MARCHF1: variants seen among roughly 807,000 people sequenced by gnomAD.
MARCHF1 encodes the protein membrane associated ring-CH-type finger 1, also known as E3 ubiquitin-protein ligase MARCHF1.
A neutral mutation model predicts 54.2 loss-of-function variants in MARCHF1; 40 were observed. That is an observed-to-expected ratio of 0.74 (90% confidence interval 0.57 to 0.96). The LOEUF (loss-of-function observed/expected upper bound fraction) is 0.96, where lower values mean the gene tolerates loss of function less well. MARCHF1 is among the 40% of genes least tolerant of loss of function. MARCHF1 has a pLI of 0.00. For missense variants in MARCHF1, 586 were observed against 656.5 expected, an observed-to-expected ratio of 0.89 and a Z score of 1.17; for synonymous variants, 236 against 236.3, an observed-to-expected ratio of 1.00 and a Z score of 0.01.
chr4:163,809,848 T>C (rs4691937), intron 4 of MARCHF1, among the ~76,000 whole-genome samples: 119,044 of 151,978 alleles, frequency 0.78, 48,001 homozygotes, highest in South Asian at 0.88. Flanking sequence ...ATCTAAATAA[T>C]GAAGAAATAG....
Position 163,746,480 on chromosome 4 carries a change from GT to G in MARCHF1, c.112-45618del, listed in dbSNP as rs1200583730. ...GCTGACACAAACATTTATGTGCAGG[GT>G]TTTTTTTTGTGGAAATAAGTTTTCA... On this transcript the variant is annotated intron_variant, in intron 4 of 9. Coordinates refer to ENST00000514618, the MANE Select transcript of MARCHF1 (RefSeq NM_001394959.1). 1.2e-4 allele frequency among the ~76,000 whole-genome samples: 18 copies of G among 151,260 alleles called. No homozygotes were observed. In the East Asian group the frequency reaches 2.7e-3, roughly 23 times the overall value.
At chr4:164,167,105 C>T (rs990957844) in intron 1 of MARCHF1, among the ~76,000 whole-genome samples, 1 of 151,680 alleles carries the variant, frequency 6.6e-6, no homozygotes, top group Non-Finnish European at 1.5e-5. Context: ...CTTTTACAAT[C>T]ACCATGGTTG....
At chr4:164,043,543 G>C (rs1461805038) in intron 2 of MARCHF1, among the ~76,000 whole-genome samples, 1 of 151,988 alleles carries the variant, frequency 6.6e-6, no homozygotes, top group African/African-American at 2.4e-5. Context: ...TCCTTCCTAG[G>C]CCTCTAAATC....
intron 4 of MARCHF1, among the ~76,000 whole-genome samples, chr4:163,723,958 C>T (rs1745566508): frequency 6.6e-6 from 1 of 152,140 alleles, no homozygotes; most frequent in African/African-American, 2.4e-5. Flanking sequence ...GCTTCTTTGC[C>T]TTGGGTTCAA....
chr4:164,264,718 G>A (rs186788875), intron 1 of MARCHF1, among the ~76,000 whole-genome samples: 57 of 151,960 alleles, frequency 3.8e-4, no homozygotes, highest in African/African-American at 1.3e-3. Flanking sequence ...TCAGGAGTCC[G>A]GGACCAGGCT....
At chr4:163,676,557 G>A (rs867172043) in intron 5 of MARCHF1, among the ~76,000 whole-genome samples, 29 of 152,040 alleles carry the variant, frequency 1.9e-4, no homozygotes, top group East Asian at 7.7e-4. Context: ...GGCCAGCTGC[G>A]GCAACATAGC....
At chr4:163,745,231 C>T (rs1275442568) in intron 4 of MARCHF1, among the ~76,000 whole-genome samples, 2 of 150,930 alleles carry the variant, frequency 1.3e-5, no homozygotes, top group South Asian at 2.1e-4. Flanking sequence ...TCTGCTTCAG[C>T]CCCCCGAGTA....
intron 1 of MARCHF1, among the ~76,000 whole-genome samples, chr4:164,222,002 C>T (rs916290897): frequency 1.3e-5 from 2 of 151,946 alleles, no homozygotes; most frequent in African/African-American, 4.8e-5. Flanking sequence ...AAAATTGGAC[C>T]TGGTGTGACA....
chr4:164,237,016 A>AT (rs1293009431), intron 1 of MARCHF1, among the ~76,000 whole-genome samples: 2 of 152,088 alleles, frequency 1.3e-5, no homozygotes, highest in Non-Finnish European at 1.5e-5. Context: ...TATATCTATC[A>AT]TTTGGTTCTT....
intron 1 of MARCHF1, among the ~76,000 whole-genome samples, chr4:164,360,412 C>T (rs766284456): frequency 2.0e-4 from 31 of 151,966 alleles, no homozygotes; most frequent in Non-Finnish European, 2.6e-4. Context: ...TTATTTTCTT[C>T]GCTTTAAAAT....
intron 1 of MARCHF1, among the ~76,000 whole-genome samples, chr4:164,371,755 C>T (rs1312856932): frequency 6.6e-6 from 1 of 152,064 alleles, no homozygotes; most frequent in African/African-American, 2.4e-5. Context: ...GTTGCTAAAA[C>T]CAATATGGAA....
At chr4:164,316,019 A>G (rs1734987029) in intron 1 of MARCHF1, among the ~76,000 whole-genome samples, 1 of 152,126 alleles carries the variant, frequency 6.6e-6, no homozygotes, top group Non-Finnish European at 1.5e-5. Flanking sequence ...AAAATTCCTA[A>G]TTTGTAAACT....
intron 4 of MARCHF1, among the ~76,000 whole-genome samples, chr4:163,749,045 G>C (rs1020043990): frequency 1.3e-5 from 2 of 152,016 alleles, no homozygotes; most frequent in African/African-American, 4.8e-5. Context: ...TATAAATGTG[G>C]TGTATCTTTT....
chr4:164,197,613 T>C, intron 1 of MARCHF1: 2 of 1,613,062 alleles, frequency 1.2e-6, no homozygotes, highest in Non-Finnish European at 1.7e-6. Flanking sequence ...GGGCTTCGAG[T>C]TTGCCTTCAT....
chr4:163,611,875 A>G (rs1741354098), intron 7 of MARCHF1, among the ~76,000 whole-genome samples: 1 of 152,092 alleles, frequency 6.6e-6, no homozygotes, highest in Admixed American at 6.6e-5. Context: ...ATCTGACCTT[A>G]AAGAACTCAA....
intron 3 of MARCHF1, among the ~76,000 whole-genome samples, chr4:163,931,290 G>A (rs1046128471): frequency 6.6e-6 from 1 of 151,988 alleles, no homozygotes; most frequent in African/African-American, 2.4e-5. Context: ...AGTGTTTTTT[G>A]GGTAATATTA....
chr4:164,039,056 C>A (rs1754070246), intron 2 of MARCHF1, among the ~76,000 whole-genome samples: 1 of 152,054 alleles, frequency 6.6e-6, no homozygotes, highest in Admixed American at 6.6e-5. Flanking sequence ...TCAATATAAA[C>A]TTCTAAAATA....
At chr4:164,140,247 A>ATG (rs1756497467) in intron 1 of MARCHF1, among the ~76,000 whole-genome samples, 1 of 150,620 alleles carries the variant, frequency 6.6e-6, no homozygotes, top group Admixed American at 6.6e-5. Context: ...CACTATATAT[A>ATG]TATATATATA....
At chr4:164,159,546 T>C (rs989176168) in intron 1 of MARCHF1, among the ~76,000 whole-genome samples, 1 of 152,192 alleles carries the variant, frequency 6.6e-6, no homozygotes, top group Non-Finnish European at 1.5e-5. Flanking sequence ...AATAGGTTTT[T>C]TTAAGTGTTG....
Sources: allele counts gnomAD v4.1 joint callset (sites outside exome capture counted in the v4.1 genomes callset), GRCh38; gene constraint gnomAD v4.1.1; transcripts MANE v1.5; gene names NCBI Gene and HGNC (gene_info 2026-07-23, HGNC 2026-07-21).